The following PEX5 variants were observed in gnomAD, a reference collection of about 807,000 sequenced individuals.
PEX5 encodes PTS1 receptor.
Under a neutral mutation model 82.9 loss-of-function variants are expected in PEX5, and 52 were observed. That is an observed-to-expected ratio of 0.63 (90% CI 0.50 to 0.79). The LOEUF (loss-of-function observed/expected upper bound fraction) is 0.79. Ranked by LOEUF, PEX5 falls within the 30% of genes least tolerant of loss-of-function variation. The pLI is 0.00. For missense variants in PEX5, 719 were observed against 815.2 expected (o/e 0.88, Z 1.44); for synonymous variants, 300 against 318.8 (o/e 0.94, Z 0.63).
chr12:7,209,298 T>C, intron 14 of PEX5, 128 bp downstream of exon 14: 1 of 932,200 alleles, frequency 1.1e-6, no homozygotes, highest in Non-Finnish European at 1.7e-6. Flanking sequence ...AGTGGGAGGA[T>C]CACTTGAGCC....
intron 6 of PEX5, among the ~76,000 whole-genome samples, chr12:7,201,141 A>G (rs1417380166): frequency 8.6e-6 from 1 of 116,362 alleles, no homozygotes; most frequent in Non-Finnish European, 2.0e-5. Context: ...GCGTGCACAC[A>G]CACACACGCA....
At chr12:7,203,580 T>C in intron 10 of PEX5, 29 bp downstream of exon 10, 1 of 1,603,250 alleles carries the variant, frequency 6.2e-7, no homozygotes, top group Non-Finnish European at 8.5e-7. Context: ...GTTTTTCAGG[T>C]TCCAGAACTT....
intron 5 of PEX5, among the ~76,000 whole-genome samples, chr12:7,193,560 A>C (rs1307850027): frequency 6.6e-6 from 1 of 152,148 alleles, no homozygotes; most frequent in Non-Finnish European, 1.5e-5. Context: ...AAATTGCCGC[A>C]AGTTAAAATC....
chr12:7,189,243 C>T (rs1177910154), upstream of PEX5: 1 of 152,224 alleles, frequency 6.6e-6, no homozygotes, highest in Non-Finnish European at 1.5e-5. Flanking sequence ...CTCCCCAGCC[C>T]CTGGTGTTAG....
intron 10 of PEX5, 122 bp from the exon 11 acceptor site, chr12:7,207,537 C>A: frequency 1.1e-6 from 1 of 924,358 alleles, no homozygotes; most frequent in Non-Finnish European, 1.8e-6. Flanking sequence ...AATTTGCCAG[C>A]AATTAATTCC....
chr12:7,192,149 A>G (rs1241173478), intron 5 of PEX5, among the ~76,000 whole-genome samples: 3 of 152,230 alleles, frequency 2.0e-5, no homozygotes, highest in Non-Finnish European at 4.4e-5. Context: ...TGATGATGAT[A>G]ATAAAAATTA....
At position 7,208,093 on chromosome 12, in the gene PEX5, A is replaced by G. The variant is rs757686234; in HGVS notation, c.1181+13A>G. 3 of 1,598,374 alleles carry G rather than the reference A, an allele frequency of 1.9e-6. No individual in the cohort carries two copies. In the South Asian group the frequency reaches 3.3e-5, roughly 18 times the overall value. ...GTGCATTGCGGAGGTGAGTACACTG[A>G]AAGGTGTGGGTGAGGTGCTTCCAAG... On this transcript the variant is annotated intron_variant, in intron 12 of 15. Transcript: ENST00000675855.
intron 3 of PEX5, 28 bp from the exon 4 acceptor site, chr12:7,191,198 G>A: frequency 6.2e-7 from 1 of 1,614,118 alleles, no homozygotes; most frequent in Non-Finnish European, 8.5e-7. Flanking sequence ...AAGCCTATGG[G>A]TTCATTTCAT....
At chr12:7,192,074 T>G (rs1941244135) in intron 5 of PEX5, among the ~76,000 whole-genome samples, 1 of 152,212 alleles carries the variant, frequency 6.6e-6, no homozygotes, top group Non-Finnish European at 1.5e-5. Flanking sequence ...ATTGGGGCCT[T>G]CAGAGTGTTA....
intron 5 of PEX5, among the ~76,000 whole-genome samples, chr12:7,193,291 C>T (rs747498927): frequency 9.8e-4 from 142 of 145,230 alleles, no homozygotes; most frequent in African/African-American, 3.1e-3. Context: ...TGGAGTGCAG[C>T]GGTGCAATCT....
chr12:7,192,568 T>C (rs769915298), intron 5 of PEX5, among the ~76,000 whole-genome samples: 1 of 152,348 alleles, frequency 6.6e-6, no homozygotes, highest in African/African-American at 2.4e-5. Flanking sequence ...TCAGCTTTCC[T>C]CTTCCTGATT....
rs1169451320 is a variant in PEX5, at chr12:7,191,078, T to G, written c.184-148T>G. 4 of 1,210,884 alleles carry G rather than the reference T, an allele frequency of 3.3e-6. No individual in the cohort carries two copies. In the African/African-American group the frequency reaches 6.0e-5, roughly 18 times the overall value. 75.0% of individuals were successfully genotyped at this position (1,210,884 alleles called of 1,614,324 possible). A position where few individuals can be genotyped will look rare whatever the true frequency, so the allele number is the denominator to read the frequency against. ...ATGTATTTTTTCGTCCTTCTAAATC[T>G]ATGGAAAGACAGTTTCTCTTTATGT... On this transcript the variant is annotated intron_variant, in intron 3 of 15. Coordinates refer to ENST00000675855, the MANE Select transcript of PEX5 (RefSeq NM_001351132.2).
chr12:7,196,296 AT>A (rs1415027994), intron 5 of PEX5, among the ~76,000 whole-genome samples: 44 of 72,652 alleles, frequency 6.1e-4, no homozygotes, highest in African/African-American at 2.5e-3. Context: ...TAATTTAATT[AT>A]ATGTCATATA....
Position 7,190,667 on chromosome 12 carries a change from G to T in PEX5, c.147+143G>T, listed in dbSNP as rs746115218. The stretch of plus-strand genomic sequence containing the variant: ...GGTGGTGGTGGTCTGAGGTGGAGGG[G>T]CTGTTTGCACATCTTGGTATAACTG... On this transcript the variant is annotated intron_variant, in intron 2 of 15. Transcript: ENST00000675855. 5.2e-6 allele frequency: 8 copies of T among 1,526,078 alleles called. No individual in the cohort carries two copies. The East Asian group carries it at 1.9e-4, about 37-fold the overall frequency. 94.5% of individuals were successfully genotyped at this position (1,526,078 alleles called of 1,614,324 possible). A position where few individuals can be genotyped will look rare whatever the true frequency, so the allele number is the denominator to read the frequency against.
chr12:7,192,087 G>T (rs1407424432), intron 5 of PEX5, among the ~76,000 whole-genome samples: 1 of 152,200 alleles, frequency 6.6e-6, no homozygotes, highest in Admixed American at 6.5e-5. Flanking sequence ...GAGTGTTATT[G>T]TGAAGTTCCA....
In PEX5 at chr12:7,206,783, T is replaced by A. The variant is rs563915332; in HGVS notation, c.967-876T>A. Among the ~76,000 whole-genome samples, 33 of 152,332 alleles carry A rather than the reference T, an allele frequency of 2.2e-4. No homozygotes were observed. The East Asian group carries it at 5.6e-3, about 26-fold the overall frequency. On this transcript the variant is annotated intron_variant, in intron 10 of 15. Coordinates refer to ENST00000675855, the MANE Select transcript of PEX5 (RefSeq NM_001351132.2). ...TATCTGAATTTATTCTTAACTGCATTTAGAAAGACCTCCACCTGTTGTTTT... is the reference window on the plus strand; with the variant it reads ...TATCTGAATTTATTCTTAACTGCATATAGAAAGACCTCCACCTGTTGTTTT...
Position 7,202,245 on chromosome 12 carries a change from T to C in PEX5, c.647T>C (p.Leu216Pro). 1 of 1,614,086 alleles carries C rather than the reference T, an allele frequency of 6.2e-7. No individual in the cohort carries two copies. Among genetic ancestry groups the C allele is most frequent in the Non-Finnish European group, 8.5e-7 (1 of 1,180,016 alleles). ...GTGTGTGTCTCTGTGCCCCAGTTCC[T>C]GAAATTCGTGCGGCAGATTGGCGAA... ...DDPKLANSEF[L>P]KFVRQIGEGQ... is the part of the protein sequence containing the mutation. The change falls in exon 8 of 16, where the codon CTG becomes CCG. Residue 216 changes from leucine (L) to proline (P), a missense_variant. Coordinates refer to ENST00000675855, the MANE Select transcript of PEX5 (RefSeq NM_001351132.2).
At position 7,197,046 on chromosome 12, in the gene PEX5, T is replaced by G. The variant is rs1942542795; in HGVS notation, c.449-1965T>G. ...ATGTAATTATATATGTCACATATAA[T>G]GTAATTATATATGTCACATATAATG... On this transcript the variant is annotated intron_variant, in intron 5 of 15. Transcript: ENST00000675855. Among the ~76,000 whole-genome samples the G allele has an allele frequency of 4.6e-5, 2 of 43,812 alleles. 1 individual carries two copies. Among genetic ancestry groups the G allele is most frequent in the Non-Finnish European group, 1.1e-4 (2 of 18,980 alleles). 28.7% of individuals were successfully genotyped at this position (43,812 alleles called of 152,430 possible).
At chr12:7,206,848 A>G (rs1944869100) in intron 10 of PEX5, among the ~76,000 whole-genome samples, 2 of 152,292 alleles carry the variant, frequency 1.3e-5, no homozygotes, top group South Asian at 2.1e-4. Flanking sequence ...TTATGATGGT[A>G]ACTACTCTCC....
Sources: gnomAD v4.1 joint callset for allele counts (sites outside exome capture counted in the v4.1 genomes callset) on GRCh38, gnomAD v4.1.1 for gene constraint, MANE v1.5 for transcripts, NCBI Gene and HGNC (gene_info 2026-07-23, HGNC 2026-07-21) for gene names.